DNAJC10: variants seen among roughly 807,000 people sequenced by gnomAD.
DNAJC10 encodes endoplasmic reticulum disulfide reductase DNAJC10.
In DNAJC10, 101 loss-of-function variants were observed where a neutral mutation model predicts 115.0. The ratio of observed to expected loss-of-function variants is 0.88; its 90% CI spans 0.75 to 1.04. The LOEUF (loss-of-function observed/expected upper bound fraction) is 1.04. Ranked by LOEUF, DNAJC10 falls within the 50% of genes least tolerant of loss-of-function variation. The pLI is 0.00. For missense variants in DNAJC10, 981 were observed against 928.8 expected (o/e 1.06, Z -0.73); for synonymous variants, 307 against 301.5 (o/e 1.02, Z -0.19).
chr2:182,739,163 G>GATATAT (rs148212851), intron 11 of DNAJC10, among the ~76,000 whole-genome samples: 4 of 137,136 alleles, frequency 2.9e-5, no homozygotes, highest in Non-Finnish European at 6.1e-5. Flanking sequence ...GAATGTTTAT[G>GATATAT]ATATATATAT....
chr2:182,771,746 C>T (rs1694569037), intron 22 of DNAJC10, among the ~76,000 whole-genome samples: 1 of 152,030 alleles, frequency 6.6e-6, no homozygotes, highest in African/African-American at 2.4e-5. Context: ...AGCAGCCTAT[C>T]AATTTTGTTG....
At chr2:182,750,990 A>G (rs1334913260) in intron 14 of DNAJC10, among the ~76,000 whole-genome samples, 1 of 152,156 alleles carries the variant, frequency 6.6e-6, no homozygotes. Flanking sequence ...TGAATTCATA[A>G]GAGAAGTCTA....
At chr2:182,760,355 G>T (rs1479709975) in intron 21 of DNAJC10, among the ~76,000 whole-genome samples, 1 of 152,162 alleles carries the variant, frequency 6.6e-6, no homozygotes, top group African/African-American at 2.4e-5. Context: ...TTACTTGAAA[G>T]ATATTTAATT....
intron 2 of DNAJC10, 24 bp downstream of exon 2, chr2:182,717,096 T>C (rs1044069073): frequency 6.6e-6 from 1 of 152,222 alleles, no homozygotes; most frequent in African/African-American, 2.4e-5. Flanking sequence ...TTTTTAAATA[T>C]ACATTTAGGA....
At chr2:182,767,406 T>G (rs1476535151) in intron 22 of DNAJC10, among the ~76,000 whole-genome samples, 1 of 152,160 alleles carries the variant, frequency 6.6e-6, no homozygotes, top group Non-Finnish European at 1.5e-5. Context: ...AAGTAGCTGT[T>G]GCACTGTTTT....
At chr2:182,719,939 T>C in intron 3 of DNAJC10, 68 bp from the exon 4 acceptor site, 2 of 925,910 alleles carry the variant, frequency 2.2e-6, no homozygotes, top group South Asian at 3.5e-5. Flanking sequence ...TAAACCTACA[T>C]ATATGTTTTG....
chr2:182,722,503 A>G (rs1252918703), intron 5 of DNAJC10, among the ~76,000 whole-genome samples: 1 of 152,164 alleles, frequency 6.6e-6, no homozygotes, highest in Non-Finnish European at 1.5e-5. Context: ...ATTTTAGAAA[A>G]TTGTATACCA....
chr2:182,726,484 T>G (rs554921182), intron 5 of DNAJC10, among the ~76,000 whole-genome samples: 4 of 152,238 alleles, frequency 2.6e-5, no homozygotes, highest in African/African-American at 9.6e-5. Context: ...TGAGGCCAGT[T>G]TTGACTCCAA....
intron 22 of DNAJC10, among the ~76,000 whole-genome samples, chr2:182,765,785 G>A (rs1030225066): frequency 1.3e-5 from 2 of 152,152 alleles, no homozygotes; most frequent in African/African-American, 2.4e-5. Context: ...ACTAGTTGAG[G>A]TATAAGGAAT....
intron 2 of DNAJC10, among the ~76,000 whole-genome samples, chr2:182,717,555 A>AT (rs1346646440): frequency 6.6e-6 from 1 of 152,170 alleles, no homozygotes; most frequent in African/African-American, 2.4e-5. Context: ...GAAAATGAAA[A>AT]TTAGACAGCT....
intron 4 of DNAJC10, 98 bp downstream of exon 4, chr2:182,720,267 A>C: frequency 1.0e-6 from 1 of 981,294 alleles, no homozygotes; most frequent in Non-Finnish European, 1.6e-6. Context: ...AAGATGCGTC[A>C]CTTTGATTAG....
chr2:182,756,735 A>G (rs1694166349), intron 18 of DNAJC10, among the ~76,000 whole-genome samples: 1 of 152,066 alleles, frequency 6.6e-6, no homozygotes, highest in South Asian at 2.1e-4. Flanking sequence ...CAGTGGCGCA[A>G]TCTCGGCTCA....
intron 22 of DNAJC10, among the ~76,000 whole-genome samples, chr2:182,763,420 A>G (rs1574952048): frequency 6.6e-6 from 1 of 152,134 alleles, no homozygotes; most frequent in South Asian, 2.1e-4. Context: ...GAACGGGGGC[A>G]AGATAGCTCT....
intron 1 of DNAJC10, 97 bp from the exon 2 acceptor site, chr2:182,716,919 T>A (rs1693008600): frequency 6.6e-6 from 1 of 152,238 alleles, no homozygotes; most frequent in Non-Finnish European, 1.5e-5. Flanking sequence ...AAACATCTTA[T>A]CCCAAAGTGT....
In DNAJC10 at chr2:182,794,282, A is replaced by G. The variant is rs1251921930; in HGVS notation, c.*17150A>G. ...GCGGACCTCAGAAAAATTTGAGTAC[A>G]TAGGAAACAATAGATGAAGGATAGA... On this transcript the variant is annotated 3_prime_UTR_variant, in exon 24 of 24. Coordinates refer to ENST00000264065, the MANE Select transcript of DNAJC10 (RefSeq NM_018981.4). 3 of 152,216 alleles carry G rather than the reference A, an allele frequency of 2.0e-5. No individual in the cohort carries two copies. Among genetic ancestry groups the G allele is most frequent in the Non-Finnish European group, 4.4e-5 (3 of 68,040 alleles). The allele number at this position is 152,216 out of a possible 1,614,324, so 9.4% of individuals were successfully genotyped here.
At chr2:182,763,992 T>C (rs1694350216) in intron 22 of DNAJC10, among the ~76,000 whole-genome samples, 1 of 152,180 alleles carries the variant, frequency 6.6e-6, no homozygotes, top group Non-Finnish European at 1.5e-5. Flanking sequence ...GGTACTTGTT[T>C]GTAGTTGCTG....
intron 22 of DNAJC10, among the ~76,000 whole-genome samples, chr2:182,768,194 C>T (rs1694466075): frequency 6.6e-6 from 1 of 152,002 alleles, no homozygotes; most frequent in Non-Finnish European, 1.5e-5. Context: ...CAATCTAGAG[C>T]AAGCAGAACT....
rs1694867444 is a variant in DNAJC10, at chr2:182,782,394, T to C, written c.*5262T>C. The C allele has an allele frequency of 6.6e-6, 1 of 152,076 alleles. No individual in the cohort carries two copies. The highest frequency in any genetic ancestry group is 2.4e-5 in the African/African-American group (1 of 41,450). 9.4% of individuals were successfully genotyped at this position (152,076 alleles called of 1,614,324 possible). A position where few individuals can be genotyped will look rare whatever the true frequency, so the allele number is the denominator to read the frequency against. On this transcript the variant is annotated 3_prime_UTR_variant, in exon 24 of 24. Coordinates refer to ENST00000264065, the MANE Select transcript of DNAJC10 (RefSeq NM_018981.4). ...TTTTTGCTTAGGATTGCCTTGGCTA[T>C]ATGGGCTCTTTTTTTTTTGGTTCCA...
chr2:182,719,652 A>G (rs548526272), intron 3 of DNAJC10, among the ~76,000 whole-genome samples: 91 of 152,214 alleles, frequency 6.0e-4, no homozygotes, highest in African/African-American at 2.2e-3. Context: ...ATTGATTTAT[A>G]ATTGTTATAG....
Sources: gnomAD v4.1 joint callset for allele counts (sites outside exome capture counted in the v4.1 genomes callset) on GRCh38, gnomAD v4.1.1 for gene constraint, MANE v1.5 for transcripts, NCBI Gene and HGNC (gene_info 2026-07-23, HGNC 2026-07-21) for gene names.